Variants in MPDZ observed in about 807,000 individuals in gnomAD.
MPDZ encodes multiple PDZ domain protein.
A neutral mutation model predicts 239.1 loss-of-function variants in MPDZ; 234 were observed. That is an observed-to-expected ratio of 0.98 (90% CI 0.88 to 1.09). MPDZ has a LOEUF of 1.09. Ranked by LOEUF, MPDZ falls within the 50% of genes least tolerant of loss-of-function variation. The probability of loss-of-function intolerance (pLI) is 0.00; values close to 1 mark genes in which losing one functional copy is unlikely to be tolerated. For missense variants in MPDZ, 3,175 were observed against 2,510.0 expected (o/e 1.26, Z -5.66); for synonymous variants, 1,048 against 881.3 (o/e 1.19, Z -3.35).
chr9:13,224,482 T>C lies in MPDZ; in HGVS notation c.285A>G (p.Leu95=), dbSNP rs1408892378. ...IPTLQNESFL[L]SPNNGNLEAL... ...CTTCCAGATTCCCATTGTTTGGGGA[T>C]AATAAAAACGATTCATTTTGCAGAG... The change falls in exon 4 of 47, where the codon TTA becomes TTG. Residue 95 remains leucine (L), a synonymous_variant. Coordinates refer to ENST00000319217, the MANE Select transcript of MPDZ (RefSeq NM_001378778.1). The C allele has an allele frequency of 1.9e-6, 3 of 1,612,808 alleles. No homozygotes were observed. Among genetic ancestry groups the C allele is most frequent in the Non-Finnish European group, 1.7e-6 (2 of 1,179,258 alleles).
intron 27 of MPDZ, 125 bp downstream of exon 27, chr9:13,143,341 T>G (rs1947975457): frequency 1.4e-6 from 1 of 713,896 alleles, no homozygotes; most frequent in Non-Finnish European, 2.4e-6. Flanking sequence ...AACAGCTTTG[T>G]TTTTTTGTTT....
At chr9:13,151,286 G>C (rs1293656108) in intron 24 of MPDZ, among the ~76,000 whole-genome samples, 1 of 152,024 alleles carries the variant, frequency 6.6e-6, no homozygotes, top group African/African-American at 2.4e-5. Flanking sequence ...ATTATCATAT[G>C]ATTCAGCAAT....
At position 13,138,110 on chromosome 9, in the gene MPDZ, A is replaced by C; in HGVS notation, c.4047T>G (p.His1349Gln). The C allele has an allele frequency of 6.2e-7, 1 of 1,608,740 alleles. No individual in the cohort carries two copies. Among genetic ancestry groups the C allele is most frequent in the Admixed American group, 1.7e-5 (1 of 59,348 alleles). Residue 1349 changes from histidine to glutamine, a missense_variant, in exon 29 of 47, where the codon CAT (histidine) becomes CAG (glutamine). Transcript: ENST00000319217. ...ERYGTLTGEL[H>Q]MIELEKGHSG... is the part of the protein sequence containing the mutation. ...TATGACCTTTCTCCAGTTCAATCAT[A>C]TGCAGCTCGCCTGTTAGGGTTCCAT... is the stretch of plus-strand genomic sequence containing the variant.
chr9:13,130,319 G>C (rs1002545385), intron 32 of MPDZ, among the ~76,000 whole-genome samples: 1 of 152,102 alleles, frequency 6.6e-6, no homozygotes, highest in Non-Finnish European at 1.5e-5. Flanking sequence ...AACAGAACTA[G>C]AAATGAGCTG....
intron 1 of MPDZ, among the ~76,000 whole-genome samples, chr9:13,272,913 TC>T (rs1244376921): frequency 6.6e-6 from 1 of 151,838 alleles, no homozygotes; most frequent in African/African-American, 2.4e-5. Flanking sequence ...ATGTTTATAT[TC>T]CCCCCAAATT....
At chr9:13,215,668 T>C (rs1398337254) in intron 10 of MPDZ, among the ~76,000 whole-genome samples, 1 of 150,794 alleles carries the variant, frequency 6.6e-6, no homozygotes, top group East Asian at 2.0e-4. Context: ...AATATGAATA[T>C]ATGTTTGGAA....
chr9:13,274,822 G>C (rs1973805662), intron 1 of MPDZ, among the ~76,000 whole-genome samples: 1 of 151,886 alleles, frequency 6.6e-6, no homozygotes. Flanking sequence ...AAACCACTGA[G>C]ACATTTACAA....
intron 1 of MPDZ, among the ~76,000 whole-genome samples, chr9:13,257,170 G>T (rs1969636906): frequency 6.6e-6 from 1 of 152,130 alleles, no homozygotes. Context: ...TTAGCTCTCA[G>T]AACCATAAGA....
At position 13,125,302 on chromosome 9, in the gene MPDZ, G is replaced by A; in HGVS notation, c.4721C>T (p.Ala1574Val). 6.2e-7 allele frequency: 1 copy of A among 1,613,844 alleles called. No individual in the cohort carries two copies. Among genetic ancestry groups the A allele is most frequent in the Non-Finnish European group, 8.5e-7 (1 of 1,179,734 alleles). ...CTTTTTTTCTCCACTGGCTGCACCAGCTGCTGAAGGAACAGCCTGGGAATC... is the reference window on the plus strand; with the variant it reads ...CTTTTTTTCTCCACTGGCTGCACCAACTGCTGAAGGAACAGCCTGGGAATC... The part of the protein sequence containing the change: ...NPDSQAVPSA[A>V]GAASGEKKNS... Residue 1574 changes from alanine (A) to valine (V), a missense_variant, in exon 35 of 47, where the codon GCT (alanine) becomes GTT (valine). Physicochemically the swap from Ala to Val is moderately conservative, Grantham distance 64. Transcript: ENST00000319217.
chr9:13,143,466 C>A lies in MPDZ; in HGVS notation c.3840G>T (p.Lys1280Asn). Residue 1280 changes from lysine (K) to asparagine (N), a missense_variant and splice_region_variant, in exon 27 of 47, where the codon AAG (lysine) becomes AAT (asparagine). Physicochemically the swap from Lys to Asn is moderately conservative, Grantham distance 94. Transcript: ENST00000319217. ...AGCAAGACAATGGGCATTATCCAAC[C>A]TTGTCGGCGTTGATTTGTAGAGAGT... ...FADSLQINADKAPSQSESEPE... is the reference protein window; with the variant it reads ...FADSLQINADNAPSQSESEPE... 6.2e-7 allele frequency: 1 copy of A among 1,609,920 alleles called. No individual in the cohort carries two copies. The highest frequency in any genetic ancestry group is 8.5e-7 in the Non-Finnish European group (1 of 1,176,572).
chr9:13,176,122 C>G lies in MPDZ; in HGVS notation c.2931+14G>C. The G allele has an allele frequency of 6.4e-7, 1 of 1,563,608 alleles. No individual in the cohort carries two copies. Among genetic ancestry groups the G allele is most frequent in the Non-Finnish European group, 8.7e-7 (1 of 1,153,150 alleles). On this transcript the variant is annotated intron_variant, in intron 20 of 46. Coordinates refer to ENST00000319217, the MANE Select transcript of MPDZ (RefSeq NM_001378778.1). ...TCTCATCATAAAACACAAACCATATCTTTAAAATATTACCTTTCCAGCTGA... is the reference window on the plus strand; with the variant it reads ...TCTCATCATAAAACACAAACCATATGTTTAAAATATTACCTTTCCAGCTGA...
chr9:13,152,887 G>A (rs1949366537), intron 24 of MPDZ, among the ~76,000 whole-genome samples: 3 of 152,088 alleles, frequency 2.0e-5, no homozygotes, highest in Non-Finnish European at 4.4e-5. Context: ...TGAAAAAGCA[G>A]GATGTAAGAA....
At chr9:13,201,245 T>C (rs1956352184) in intron 12 of MPDZ, among the ~76,000 whole-genome samples, 1 of 152,086 alleles carries the variant, frequency 6.6e-6, no homozygotes. Flanking sequence ...CTGCTCTTCA[T>C]TTTTGTTCCC....
intron 23 of MPDZ, among the ~76,000 whole-genome samples, chr9:13,160,830 TTATATATATATA>T (rs58374268): frequency 0.039 from 1,465 of 37,994 alleles, 98 homozygotes; most frequent in East Asian, 0.093. Flanking sequence ...ATTATTAAAA[TTATATATATATA>T]TATATATATA....
intron 3 of MPDZ, among the ~76,000 whole-genome samples, chr9:13,238,374 A>T (rs1258379585): frequency 6.6e-6 from 1 of 152,212 alleles, no homozygotes; most frequent in Non-Finnish European, 1.5e-5. Context: ...CGTGTAAACA[A>T]CATCACACCT....
In MPDZ at chr9:13,219,761, C is replaced by T. The variant is rs746099118; in HGVS notation, c.884G>A (p.Arg295His). Reference protein sequence around the residue: ...LPGGVADQHGRLCSGDHILKI... With the variant: ...LPGGVADQHGHLCSGDHILKI... Reference sequence around the variant, plus strand: ...TAGAATGTGGTCTCCACTGCATAAACGCCCATGCTGAGTAAAACAATATTG... The same window carrying T: ...TAGAATGTGGTCTCCACTGCATAAATGCCCATGCTGAGTAAAACAATATTG... The change falls in exon 8 of 47, where the codon CGT (arginine) becomes CAT (histidine). Residue 295 changes from arginine to histidine, a missense_variant. Coordinates refer to ENST00000319217, the MANE Select transcript of MPDZ (RefSeq NM_001378778.1). 1.8e-5 allele frequency: 29 copies of T among 1,612,118 alleles called. 1 individual carries two copies. In the Middle Eastern group the frequency reaches 4.9e-4, roughly 27 times the overall value.
At chr9:13,264,838 A>AT (rs1424134409) in intron 1 of MPDZ, among the ~76,000 whole-genome samples, 1 of 152,176 alleles carries the variant, frequency 6.6e-6, no homozygotes, top group Non-Finnish European at 1.5e-5. Flanking sequence ...GAGGGGAAAG[A>AT]TTTAAGTTCT....
intron 22 of MPDZ, among the ~76,000 whole-genome samples, chr9:13,164,550 A>T (rs1454906424): frequency 6.6e-6 from 1 of 152,156 alleles, no homozygotes; most frequent in African/African-American, 2.4e-5. Context: ...AATAGCAAAA[A>T]TAATAGCAAT....
intron 10 of MPDZ, among the ~76,000 whole-genome samples, chr9:13,214,450 T>C (rs2136024490): frequency 6.6e-6 from 1 of 152,024 alleles, no homozygotes; most frequent in South Asian, 2.1e-4. Context: ...TAAGGGGTAC[T>C]GAAAATGTTT....
Sources: allele counts gnomAD v4.1 joint callset (sites outside exome capture counted in the v4.1 genomes callset), GRCh38; gene constraint gnomAD v4.1.1; transcripts MANE v1.5; gene names NCBI Gene and HGNC (gene_info 2026-07-23, HGNC 2026-07-21).